NLK: variants seen among roughly 807,000 people sequenced by gnomAD.
The protein encoded by NLK is nemo like kinase, also known as serine/threonine-protein kinase NLK.
NLK carries 11 observed loss-of-function variants against 59.0 expected under a neutral mutation model. The observed-to-expected ratio is 0.19, with a 90% CI of 0.12 to 0.31. The LOEUF is 0.31. Ranked by LOEUF, NLK falls within the 10% of genes least tolerant of loss-of-function variation. The pLI is 1.00. For synonymous variants in NLK, 235 were observed against 235.9 expected (o/e 1.00, Z 0.03); for missense variants, 410 against 661.1 (o/e 0.62, Z 4.16).
intron 3 of NLK, among the ~76,000 whole-genome samples, chr17:28,136,083 T>C (rs1448798375): frequency 1.3e-5 from 2 of 152,214 alleles, no homozygotes; most frequent in Non-Finnish European, 2.9e-5. Flanking sequence ...CTCAAAATTG[T>C]TCGCAGATGT....
intron 3 of NLK, among the ~76,000 whole-genome samples, chr17:28,133,325 G>A (rs572191390): frequency 2.0e-5 from 3 of 152,268 alleles, no homozygotes; most frequent in African/African-American, 7.2e-5. Context: ...AGATCACAGA[G>A]CTAGTAAGTG....
intron 1 of NLK, among the ~76,000 whole-genome samples, chr17:28,055,005 T>C (rs1274907341): frequency 1.3e-5 from 2 of 152,222 alleles, no homozygotes; most frequent in African/African-American, 4.8e-5. Context: ...TAAATTATTT[T>C]ATCTCTATGT....
intron 1 of NLK, among the ~76,000 whole-genome samples, chr17:28,076,612 G>T (rs183606524): frequency 2.0e-5 from 3 of 152,248 alleles, no homozygotes; most frequent in Admixed American, 6.5e-5. Context: ...AACAGAAAAG[G>T]TACTTTTAAC....
intron 1 of NLK, among the ~76,000 whole-genome samples, chr17:28,080,952 C>T (rs920524795): frequency 1.3e-5 from 2 of 151,442 alleles, no homozygotes; most frequent in African/African-American, 2.4e-5. Context: ...TGCAGTGGCC[C>T]ATTCATGGCT....
At chr17:28,062,309 A>G (rs1213446831) in intron 1 of NLK, among the ~76,000 whole-genome samples, 1 of 152,036 alleles carries the variant, frequency 6.6e-6, no homozygotes, top group Non-Finnish European at 1.5e-5. Flanking sequence ...TAACTTTTTG[A>G]CCATTTCCTA....
At position 28,195,844 on chromosome 17, in the gene NLK, C is replaced by T. The variant is rs897607334; in HGVS notation, c.*1208C>T. The T allele has an allele frequency of 1.3e-5, 2 of 151,710 alleles. No homozygotes were observed. The highest frequency in any genetic ancestry group is 2.9e-5 in the Non-Finnish European group (2 of 67,900). The allele number at this position is 151,710 out of a possible 1,614,324, so 9.4% of individuals were successfully genotyped here. A position where few individuals can be genotyped will look rare whatever the true frequency, so the allele number is the denominator to read the frequency against. On this transcript the variant is annotated 3_prime_UTR_variant, in exon 11 of 11. Transcript: ENST00000407008. ...TTGAGTTCAGTGTGGAGACTTGAAA[C>T]TTGAATGTCCCTTCCAACTTTTATA...
At chr17:28,132,301 T>C (rs1343254238) in intron 2 of NLK, among the ~76,000 whole-genome samples, 1 of 152,244 alleles carries the variant, frequency 6.6e-6, no homozygotes, top group Non-Finnish European at 1.5e-5. Context: ...ATGATAGATG[T>C]GGCTTCTCAC....
intron 3 of NLK, among the ~76,000 whole-genome samples, chr17:28,149,825 T>C (rs1198228722): frequency 1.3e-5 from 2 of 152,218 alleles, no homozygotes; most frequent in African/African-American, 2.4e-5. Flanking sequence ...AGTACCTAGA[T>C]TGGCATCTTG....
intron 3 of NLK, among the ~76,000 whole-genome samples, chr17:28,154,925 A>G (rs945918893): frequency 2.6e-5 from 4 of 152,194 alleles, no homozygotes; most frequent in Non-Finnish European, 5.9e-5. Context: ...CTAGTTACTC[A>G]GGAGGCTGAG....
At chr17:28,185,293 T>G in intron 8 of NLK, 28 bp downstream of exon 8, 1 of 1,314,644 alleles carries the variant, frequency 7.6e-7, no homozygotes, top group Non-Finnish European at 1.1e-6. Context: ...TTATATATTT[T>G]TAATGAATTA....
intron 1 of NLK, among the ~76,000 whole-genome samples, chr17:28,050,632 TAGA>T (rs996351769): frequency 1.3e-5 from 2 of 151,510 alleles, no homozygotes; most frequent in African/African-American, 4.9e-5. Flanking sequence ...ATATGTAAAA[TAGA>T]AGAGTAGAGA....
the NLK span, among the ~76,000 whole-genome samples, chr17:28,202,588 T>A: frequency 2.5e-4 from 38 of 152,316 alleles, no homozygotes; most frequent in African/African-American, 8.9e-4. Flanking sequence ...GGTCTCAGGG[T>A]AATGTTGACC....
chr17:28,067,139 A>G (rs1269297627), intron 1 of NLK, among the ~76,000 whole-genome samples: 1 of 152,148 alleles, frequency 6.6e-6, no homozygotes. Flanking sequence ...TCAGATCATA[A>G]CTTTTGGTGT....
chr17:28,068,732 T>G (rs2142754837), intron 1 of NLK, among the ~76,000 whole-genome samples: 1 of 152,340 alleles, frequency 6.6e-6, no homozygotes, highest in East Asian at 1.9e-4. Flanking sequence ...CAAGCTAGAA[T>G]GCAATGGCAT....
At chr17:28,188,468 C>T (rs2142071752) in intron 8 of NLK, among the ~76,000 whole-genome samples, 1 of 152,156 alleles carries the variant, frequency 6.6e-6, no homozygotes, top group South Asian at 2.1e-4. Flanking sequence ...GTCAGCAATA[C>T]ATTAAGAAAG....
intron 1 of NLK, among the ~76,000 whole-genome samples, chr17:28,078,527 A>G (rs370618237): frequency 6.0e-4 from 91 of 152,320 alleles, no homozygotes; most frequent in South Asian, 4.1e-3. Flanking sequence ...CTGTGGCACC[A>G]GTAAATTCTG....
At chr17:28,061,896 TATAC>T (rs923595269) in intron 1 of NLK, 11 of 144,772 alleles carry the variant, frequency 7.6e-5, no homozygotes, top group African/African-American at 2.0e-4. Context: ...CATATATACA[TATAC>T]ATACATATAT....
intron 10 of NLK, among the ~76,000 whole-genome samples, chr17:28,194,250 A>G (rs777926265): frequency 1.3e-5 from 2 of 152,192 alleles, no homozygotes; most frequent in African/African-American, 2.4e-5. Context: ...CTTCACATCT[A>G]TTATCATTTA....
At chr17:28,167,158 T>C (rs1241563582) in intron 5 of NLK, among the ~76,000 whole-genome samples, 1 of 152,180 alleles carries the variant, frequency 6.6e-6, no homozygotes, top group Non-Finnish European at 1.5e-5. Flanking sequence ...TAAGGAGACC[T>C]TCAAGATACA....
Sources: allele counts gnomAD v4.1 joint callset (sites outside exome capture counted in the v4.1 genomes callset), GRCh38; gene constraint gnomAD v4.1.1; transcripts MANE v1.5; gene names NCBI Gene and HGNC (gene_info 2026-07-23, HGNC 2026-07-21).